The following P3H2 variants were observed in gnomAD, a reference collection of about 807,000 sequenced individuals.
P3H2 encodes the protein prolyl 3-hydroxylase 2.
In P3H2, 80 loss-of-function variants were observed where a neutral mutation model predicts 87.0. That is an observed-to-expected ratio of 0.92 (90% confidence interval 0.77 to 1.11). P3H2 has a LOEUF of 1.11. Among genes scored for constraint, P3H2 ranks in the 50% least tolerant of loss-of-function variants. The pLI, the probability that P3H2 is intolerant of heterozygous loss-of-function variation, is 0.00. For missense variants in P3H2, 1,001 were observed against 923.9 expected (o/e 1.08, Z -1.08); for synonymous variants, 367 against 359.3 (o/e 1.02, Z -0.24).
chr3:189,970,922 T>A, intron 12 of P3H2, 31 bp from the exon 13 acceptor site: 2 of 1,189,158 alleles, frequency 1.7e-6, no homozygotes, highest in Non-Finnish European at 2.5e-6. Context: ...CTATTTGTAT[T>A]ATTATATGCT....
intron 2 of P3H2, 23 bp from the exon 3 acceptor site, chr3:189,994,306 AAAC>A (rs1224794246): frequency 3.1e-6 from 4 of 1,296,956 alleles, no homozygotes; most frequent in Middle Eastern, 3.8e-4. Flanking sequence ...AGACGGGAAA[AAAC>A]AAACAAACAA....
At chr3:190,052,551 C>G (rs1726015684) in intron 1 of P3H2, among the ~76,000 whole-genome samples, 2 of 144,722 alleles carry the variant, frequency 1.4e-5, no homozygotes, top group Middle Eastern at 3.6e-3. Context: ...TAGCACTGTT[C>G]TCCATGAAGT....
intron 1 of P3H2, among the ~76,000 whole-genome samples, chr3:190,098,495 T>A (rs1004137354): frequency 1.6e-4 from 24 of 152,166 alleles, no homozygotes; most frequent in African/African-American, 5.8e-4. Context: ...ATGATAATGA[T>A]AGCACCAATA....
At chr3:189,966,438 G>T (rs1290832915) in intron 13 of P3H2, among the ~76,000 whole-genome samples, 2 of 152,236 alleles carry the variant, frequency 1.3e-5, no homozygotes, top group Non-Finnish European at 2.9e-5. Flanking sequence ...AAAAGAAGCT[G>T]TGAACTGTAT....
At chr3:190,092,313 G>T (rs989683473) in intron 1 of P3H2, among the ~76,000 whole-genome samples, 2 of 151,662 alleles carry the variant, frequency 1.3e-5, no homozygotes, top group East Asian at 3.9e-4. Flanking sequence ...TAGTATAAAA[G>T]GGCCATGTAC....
chr3:190,015,020 A>AT (rs1386610896), intron 1 of P3H2, among the ~76,000 whole-genome samples: 1 of 152,014 alleles, frequency 6.6e-6, no homozygotes, highest in African/African-American at 2.4e-5. Flanking sequence ...TTTCATTATT[A>AT]TTTTTTAATG....
At chr3:190,005,309 G>A (rs888184094) in intron 1 of P3H2, among the ~76,000 whole-genome samples, 7 of 152,268 alleles carry the variant, frequency 4.6e-5, no homozygotes, top group African/African-American at 1.2e-4. Context: ...TGTTTCTCCT[G>A]TAAGTCCACA....
chr3:189,969,894 G>C (rs1316023436), intron 13 of P3H2: 4 of 986,626 alleles, frequency 4.1e-6, no homozygotes, highest in Non-Finnish European at 6.5e-6. Context: ...CAGTGGGCGA[G>C]CACTCGGGAC....
Position 190,085,993 on chromosome 3 carries a change from G to T in P3H2, c.480+34259C>A, listed in dbSNP as rs185158158. Among the ~76,000 whole-genome samples, 413 of 152,194 alleles carry T rather than the reference G, an allele frequency of 2.7e-3. 5 individuals carry two copies. The highest frequency in any genetic ancestry group is 2.4e-3 in the Non-Finnish European group (166 of 68,014). ...TTGGGTGCAGCAAAATTTACTAAAAGATTTAAATAAAGATTATTCTTCATT... is the reference window on the plus strand; with the variant it reads ...TTGGGTGCAGCAAAATTTACTAAAATATTTAAATAAAGATTATTCTTCATT... On this transcript the variant is annotated intron_variant, in intron 1 of 14. Transcript: ENST00000319332.
intron 10 of P3H2, among the ~76,000 whole-genome samples, chr3:189,973,491 TTTTC>T (rs201158680): frequency 0.038 from 3,866 of 102,228 alleles, 660 homozygotes; most frequent in East Asian, 0.052. Context: ...TTCAAAACTT[TTTTC>T]TTTCTTTCTT....
chr3:189,960,367 G>C (rs530244328), intron 14 of P3H2, among the ~76,000 whole-genome samples: 1 of 152,260 alleles, frequency 6.6e-6, no homozygotes, highest in East Asian at 1.9e-4. Context: ...CTCCAGAAGA[G>C]CAGGGCATCT....
At chr3:190,038,652 G>A (rs1725502444) in intron 1 of P3H2, among the ~76,000 whole-genome samples, 1 of 152,252 alleles carries the variant, frequency 6.6e-6, no homozygotes, top group East Asian at 1.9e-4. Flanking sequence ...CCCCTAGGAT[G>A]CATTAATCAC....
At chr3:190,034,175 T>G (rs1725340605) in intron 1 of P3H2, among the ~76,000 whole-genome samples, 1 of 152,044 alleles carries the variant, frequency 6.6e-6, no homozygotes. Flanking sequence ...TAAATAATCC[T>G]GTCCAAAGGA....
intron 3 of P3H2, among the ~76,000 whole-genome samples, chr3:189,992,954 C>T (rs750520503): frequency 2.0e-5 from 3 of 152,100 alleles, no homozygotes; most frequent in South Asian, 2.1e-4. Flanking sequence ...CTTGGTTTAT[C>T]GTATAAATCT....
rs5855293 is a variant in P3H2 at position 190,003,495 on chromosome 3, TAAAAAA to T, written c.481-8059_481-8054del. 2.5e-3 allele frequency among the ~76,000 whole-genome samples: 360 copies of T among 146,088 alleles called. 1 individual carries two copies. The highest frequency in any genetic ancestry group is 0.015 in the South Asian group (70 of 4,564). ...ATTAAAAATGAAATGCCCTTGATGT[TAAAAAA>T]AAAAAAAAAACTATCTAAGTATTAG... On this transcript the variant is annotated intron_variant, in intron 1 of 14. Coordinates refer to ENST00000319332, the MANE Select transcript of P3H2 (RefSeq NM_018192.4).
chr3:190,060,649 C>A (rs1405477489), intron 1 of P3H2, among the ~76,000 whole-genome samples: 1 of 152,116 alleles, frequency 6.6e-6, no homozygotes, highest in Non-Finnish European at 1.5e-5. Context: ...ATGATCTCTA[C>A]TTACTCGAAT....
intron 1 of P3H2, among the ~76,000 whole-genome samples, chr3:190,032,995 C>T (rs1725304971): frequency 6.6e-6 from 1 of 152,198 alleles, no homozygotes; most frequent in Non-Finnish European, 1.5e-5. Context: ...AGCTTGTTTT[C>T]TGAAACTAGA....
At chr3:190,007,648 GA>G (rs535129419) in intron 1 of P3H2, among the ~76,000 whole-genome samples, 9 of 149,712 alleles carry the variant, frequency 6.0e-5, no homozygotes, top group African/African-American at 1.7e-4. Context: ...AAGAAGGACA[GA>G]AAAAAAAATG....
chr3:189,964,260 G>A (rs1577241918), intron 13 of P3H2, 162 bp from the exon 14 acceptor site: 5 of 714,172 alleles, frequency 7.0e-6, no homozygotes, highest in African/African-American at 3.5e-5. Context: ...TTTCTCACCC[G>A]TAAAACAAAG....
Sources: allele counts gnomAD v4.1 joint callset (sites outside exome capture counted in the v4.1 genomes callset), GRCh38; gene constraint gnomAD v4.1.1; transcripts MANE v1.5; gene names NCBI Gene and HGNC (gene_info 2026-07-23, HGNC 2026-07-21).